TAFA5: variants seen among roughly 807,000 people sequenced by gnomAD.
TAFA5 encodes the protein TAFA chemokine like family member 5, also known as chemokine-like protein TAFA-5.
Under a neutral mutation model 15.3 loss-of-function variants are expected in TAFA5, and 6 were observed. The observed-to-expected ratio is 0.39, with a 90% CI of 0.21 to 0.77. The LOEUF (loss-of-function observed/expected upper bound fraction) is 0.77. Ranked by LOEUF, TAFA5 falls within the 30% of genes least tolerant of loss-of-function variation. The probability of loss-of-function intolerance (pLI) is 0.41; values close to 1 mark genes in which losing one functional copy is unlikely to be tolerated. For synonymous variants in TAFA5, 103 were observed against 80.7 expected (o/e 1.28, Z -1.48); for missense variants, 161 against 193.1 (o/e 0.83, Z 0.98).
rs537934567 is a variant in TAFA5 at position 48,639,570 on chromosome 22, C to G, written c.113-7027C>G. ...GTTTCCCGCCAGGGAGGCCCCAGCC[C>G]TGGCCCCTGAGTGGCTCCCTTTGTC... is the stretch of plus-strand genomic sequence containing the variant. On this transcript the variant is annotated intron_variant, in intron 1 of 3. Transcript: ENST00000402357. Among the ~76,000 whole-genome samples, 5 of 152,312 alleles carry G rather than the reference C, an allele frequency of 3.3e-5. No homozygotes were observed. In the South Asian group the frequency reaches 1.0e-3, roughly 32 times the overall value.
chr22:48,583,712 C>T (rs1453860641), intron 1 of TAFA5, among the ~76,000 whole-genome samples: 3 of 147,268 alleles, frequency 2.0e-5, no homozygotes, highest in Non-Finnish European at 4.5e-5. Flanking sequence ...CCACATCCCA[C>T]ACACACCACA....
At chr22:48,502,443 G>T (rs978622927) in intron 1 of TAFA5, among the ~76,000 whole-genome samples, 6 of 151,886 alleles carry the variant, frequency 4.0e-5, no homozygotes, top group Non-Finnish European at 7.4e-5. Flanking sequence ...TTTTGCAGCA[G>T]TTACAGTGTT....
rs143746572 is a variant in TAFA5, at chr22:48,567,192, A to C, written c.112+77488A>C. 6.7e-4 allele frequency among the ~76,000 whole-genome samples: 102 copies of C among 152,370 alleles called. 1 individual carries two copies. Among genetic ancestry groups the C allele is most frequent in the East Asian group, 5.8e-3 (30 of 5,184 alleles). On this transcript the variant is annotated intron_variant, in intron 1 of 3. Coordinates refer to ENST00000402357, the MANE Select transcript of TAFA5 (RefSeq NM_001082967.3). The stretch of plus-strand genomic sequence containing the variant: ...GTTTTTAAACAAAAACACACACACA[A>C]AAATGTGTTTGCTTCCCTGAGGGGC...
chr22:48,646,660 G>A lies in TAFA5; in HGVS notation c.176G>A (p.Arg59Lys), dbSNP rs751505125. The change falls in exon 2 of 4, where the codon AGG (arginine) becomes AAG (lysine). Residue 59 changes from arginine to lysine, a missense_variant. Transcript: ENST00000402357. Reference protein sequence around the residue: ...TLDRDSSQPRRTIARQTARCA... With the variant: ...TLDRDSSQPRKTIARQTARCA... ...GACCGGGACAGCAGCCAGCCTCGGA[G>A]GACGATCGCCCGGCAGACCGCCCGC... 1 of 1,612,234 alleles carries A rather than the reference G, an allele frequency of 6.2e-7. No individual in the cohort carries two copies. The highest frequency in any genetic ancestry group is 1.1e-5 in the South Asian group (1 of 91,074).
intron 1 of TAFA5, among the ~76,000 whole-genome samples, chr22:48,622,051 T>C (rs1925856252): frequency 6.6e-6 from 1 of 152,030 alleles, no homozygotes; most frequent in African/African-American, 2.4e-5. Flanking sequence ...CCAGAACAAC[T>C]TCTCACGGCA....
At chr22:48,576,002 G>T (rs1331601159) in intron 1 of TAFA5, among the ~76,000 whole-genome samples, 1 of 141,824 alleles carries the variant, frequency 7.1e-6, no homozygotes, top group East Asian at 2.1e-4. Context: ...GGGCGGTGGG[G>T]GCCGACAGGC....
intron 2 of TAFA5, among the ~76,000 whole-genome samples, chr22:48,681,301 C>T (rs56931183): frequency 0.083 from 12,582 of 152,122 alleles, 581 homozygotes; most frequent in African/African-American, 0.1. Context: ...CGTGAGGACA[C>T]GCACAGCTCA....
chr22:48,562,683 A>T (rs1326401603), intron 1 of TAFA5, among the ~76,000 whole-genome samples: 1 of 151,804 alleles, frequency 6.6e-6, no homozygotes, highest in East Asian at 1.9e-4. Flanking sequence ...GCTGCCTTCC[A>T]CCCCTCCTAG....
chr22:48,716,031 G>C (rs1382406425), intron 3 of TAFA5, among the ~76,000 whole-genome samples: 1 of 152,186 alleles, frequency 6.6e-6, no homozygotes, highest in African/African-American at 2.4e-5. Flanking sequence ...TGTTTTGTCA[G>C]GCTTGTCGAA....
At chr22:48,557,819 C>T (rs1416218583) in intron 1 of TAFA5, among the ~76,000 whole-genome samples, 6 of 152,200 alleles carry the variant, frequency 3.9e-5, no homozygotes, top group Admixed American at 1.3e-4. Flanking sequence ...GCTCCCTCCC[C>T]GAGGTCAGCT....
intron 1 of TAFA5, among the ~76,000 whole-genome samples, chr22:48,507,781 G>A (rs866273231): frequency 3.7e-4 from 56 of 152,266 alleles, no homozygotes; most frequent in Middle Eastern, 3.4e-3. Context: ...CGTGTGAGGA[G>A]CCCCTGCCTG....
chr22:48,693,803 C>A (rs562223115), intron 2 of TAFA5, among the ~76,000 whole-genome samples: 47 of 152,342 alleles, frequency 3.1e-4, no homozygotes, highest in Admixed American at 2.3e-3. Flanking sequence ...ACAATCCTGA[C>A]CCAGCTGTGG....
chr22:48,627,012 C>A (rs979566170), intron 1 of TAFA5, among the ~76,000 whole-genome samples: 1 of 152,176 alleles, frequency 6.6e-6, no homozygotes, highest in Non-Finnish European at 1.5e-5. Context: ...GGAAGGATGG[C>A]CGCGGGGCCC....
At chr22:48,678,610 G>T (rs572293878) in intron 2 of TAFA5, among the ~76,000 whole-genome samples, 1 of 152,268 alleles carries the variant, frequency 6.6e-6, no homozygotes, top group South Asian at 2.1e-4. Context: ...GGCCAGGGCT[G>T]CAGGTGGTGC....
At chr22:48,518,739 C>T (rs750910261) in intron 1 of TAFA5, among the ~76,000 whole-genome samples, 12 of 152,176 alleles carry the variant, frequency 7.9e-5, no homozygotes, top group Non-Finnish European at 1.2e-4. Context: ...GTCACGGTCA[C>T]GCCCAGTGAG....
intron 2 of TAFA5, among the ~76,000 whole-genome samples, chr22:48,702,932 G>A (rs1404615166): frequency 1.3e-5 from 2 of 152,270 alleles, no homozygotes; most frequent in East Asian, 1.9e-4. Context: ...GCCCGCTGGT[G>A]CCCTCGGGAG....
intron 1 of TAFA5, among the ~76,000 whole-genome samples, chr22:48,635,735 T>C (rs1926421521): frequency 6.6e-6 from 1 of 152,146 alleles, no homozygotes; most frequent in Non-Finnish European, 1.5e-5. Flanking sequence ...AAGGGGTTTC[T>C]GGGGGTGGCA....
chr22:48,732,546 C>T lies in TAFA5; in HGVS notation c.391-17293C>T, dbSNP rs182143686. Among the ~76,000 whole-genome samples, 9 of 152,282 alleles carry T rather than the reference C, an allele frequency of 5.9e-5. No homozygotes were observed. The East Asian group carries it at 1.2e-3, about 20-fold the overall frequency. On this transcript the variant is annotated intron_variant, in intron 3 of 3. Coordinates refer to ENST00000402357, the MANE Select transcript of TAFA5 (RefSeq NM_001082967.3). ...GCTGGATTACAGGCGTGAGCCACCA[C>T]GCCTGGCCAGAAAGTGTTTTTTTGA...
At chr22:48,746,761 G>C (rs961527008) in intron 3 of TAFA5, among the ~76,000 whole-genome samples, 4 of 152,172 alleles carry the variant, frequency 2.6e-5, no homozygotes, top group Non-Finnish European at 4.4e-5. Flanking sequence ...GACAGAAGCC[G>C]GAGGGGCCTC....
Sources: allele counts gnomAD v4.1 joint callset (sites outside exome capture counted in the v4.1 genomes callset), GRCh38; gene constraint gnomAD v4.1.1; transcripts MANE v1.5; gene names NCBI Gene and HGNC (gene_info 2026-07-23, HGNC 2026-07-21).